METTL8: variants seen among roughly 807,000 people sequenced by gnomAD.
METTL8 encodes tRNA N(3)-cytidine methyltransferase METTL8, mitochondrial.
METTL8 carries 32 observed loss-of-function variants against 48.7 expected under a neutral mutation model. The observed-to-expected ratio is 0.66, with a 90% confidence interval of 0.50 to 0.88. The LOEUF is 0.88. Ranked by LOEUF, METTL8 falls within the 40% of genes least tolerant of loss-of-function variation. METTL8 has a pLI of 0.00. For missense variants in METTL8, 464 were observed against 474.4 expected, an observed-to-expected ratio of 0.98 and a Z score of 0.20; for synonymous variants, 136 against 157.1, an observed-to-expected ratio of 0.87 and a Z score of 1.01.
At position 171,339,172 on chromosome 2, in the gene METTL8, TGAGCA is replaced by T; in HGVS notation, c.606+7_606+11del. 6.9e-7 allele frequency: 1 copy of T among 1,453,620 alleles called. No individual in the cohort carries two copies. Among genetic ancestry groups the T allele is most frequent in the Non-Finnish European group, 9.1e-7 (1 of 1,096,080 alleles). 90.0% of individuals were successfully genotyped at this position (1,453,620 alleles called of 1,614,324 possible). A position where few individuals can be genotyped will look rare whatever the true frequency, so the allele number is the denominator to read the frequency against. ...TTTGTCACCTCCCATTTTTGTCCCTTGAGCACAATACCTCTAGTATCCTGAAAGTG... is the reference window on the plus strand; with the variant it reads ...TTTGTCACCTCCCATTTTTGTCCCTTCAATACCTCTAGTATCCTGAAAGTG... On this transcript the variant is annotated splice_region_variant and intron_variant, in intron 4 of 9. Transcript: ENST00000375258.
intron 1 of METTL8, among the ~76,000 whole-genome samples, chr2:171,411,126 G>C (rs1690707781): frequency 6.6e-6 from 1 of 152,166 alleles, no homozygotes; most frequent in South Asian, 2.1e-4. Context: ...CTATACAACT[G>C]TACAGAGGGA....
chr2:171,369,292 C>A (rs1196563274), intron 2 of METTL8, among the ~76,000 whole-genome samples: 5 of 151,996 alleles, frequency 3.3e-5, no homozygotes, highest in African/African-American at 1.2e-4. Flanking sequence ...GGCAAGAGAG[C>A]GAGACTCTGT....
At chr2:171,377,690 C>T (rs1223074834) in intron 2 of METTL8, among the ~76,000 whole-genome samples, 3 of 152,104 alleles carry the variant, frequency 2.0e-5, no homozygotes, top group Non-Finnish European at 4.4e-5. Flanking sequence ...AATGAGATAC[C>T]ACTTTACTCC....
At chr2:171,360,276 C>T in intron 3 of METTL8, 146 bp downstream of exon 3, 1 of 637,738 alleles carries the variant, frequency 1.6e-6, no homozygotes, top group Non-Finnish European at 2.6e-6. Context: ...TTTGGTCCCA[C>T]TACACTGGAA....
chr2:171,422,248 T>C (rs1691947839), intron 1 of METTL8, among the ~76,000 whole-genome samples: 1 of 152,148 alleles, frequency 6.6e-6, no homozygotes, highest in African/African-American at 2.4e-5. Flanking sequence ...GAAGAGACTA[T>C]TCAATAAGTG....
intron 3 of METTL8, among the ~76,000 whole-genome samples, chr2:171,340,055 G>A (rs995527325): frequency 4.6e-5 from 7 of 151,884 alleles, no homozygotes; most frequent in African/African-American, 1.5e-4. Flanking sequence ...AAAGTTAGCC[G>A]GAGGTGGTGG....
rs190216880 is a variant in METTL8 at position 171,385,270 on chromosome 2, A to G, written c.143+6773T>C. ...TCTCTAAAAAAAATAAAATAAAACA[A>G]AATTAAAAATTAGCCATTATAGTGC... On this transcript the variant is annotated intron_variant, in intron 2 of 9. Coordinates refer to ENST00000375258, the MANE Select transcript of METTL8 (RefSeq NM_001321154.2). Among the ~76,000 whole-genome samples the G allele has an allele frequency of 2.4e-4, 36 of 152,030 alleles. No homozygotes were observed. In the East Asian group the frequency reaches 7.0e-3, roughly 29 times the overall value.
At chr2:171,383,071 G>A (rs1687724903) in intron 2 of METTL8, among the ~76,000 whole-genome samples, 1 of 151,968 alleles carries the variant, frequency 6.6e-6, no homozygotes, top group Admixed American at 6.6e-5. Flanking sequence ...AAGACTCTGT[G>A]TGAAAAAAAC....
chr2:171,330,147 T>C (rs1685364535), intron 7 of METTL8, among the ~76,000 whole-genome samples: 1 of 152,198 alleles, frequency 6.6e-6, no homozygotes, highest in Admixed American at 6.5e-5. Flanking sequence ...AACAGGCCTG[T>C]GTGAAGCCAA....
intron 1 of METTL8, among the ~76,000 whole-genome samples, chr2:171,427,850 G>A (rs929112921): frequency 7.2e-5 from 11 of 152,052 alleles, no homozygotes; most frequent in Non-Finnish European, 1.3e-4. Flanking sequence ...TATACCCTAT[G>A]CCAAAACTTT....
intron 3 of METTL8, among the ~76,000 whole-genome samples, chr2:171,353,653 G>C (rs2105454145): frequency 6.6e-6 from 1 of 152,218 alleles, no homozygotes; most frequent in Non-Finnish European, 1.5e-5. Flanking sequence ...CTCCTGTATT[G>C]GGTGCATATA....
intron 2 of METTL8, among the ~76,000 whole-genome samples, chr2:171,371,585 G>A (rs1386312372): frequency 3.3e-5 from 5 of 151,696 alleles, no homozygotes; most frequent in Admixed American, 6.6e-5. Flanking sequence ...TTGAACTCCC[G>A]ACCTCAGGTG....
intron 3 of METTL8, among the ~76,000 whole-genome samples, chr2:171,344,127 G>C (rs1463927279): frequency 2.0e-5 from 3 of 152,140 alleles, no homozygotes; most frequent in Admixed American, 1.3e-4. Context: ...CATTAAAAAT[G>C]ACAAGAATAA....
rs189471882 is a variant in METTL8, at chr2:171,373,505, C to T, written c.144-12992G>A. Among the ~76,000 whole-genome samples, 216 of 151,426 alleles carry T rather than the reference C, an allele frequency of 1.4e-3. 4 individuals are homozygous for T. In the East Asian group the frequency reaches 0.015, roughly 10 times the overall value. On this transcript the variant is annotated intron_variant, in intron 2 of 9. Coordinates refer to ENST00000375258, the MANE Select transcript of METTL8 (RefSeq NM_001321154.2). ...TTTAATTAGATCACATTTGTCAATTCTGGCTTTTGTTGTCATTGCTTTTGG... is the reference window on the plus strand; with the variant it reads ...TTTAATTAGATCACATTTGTCAATTTTGGCTTTTGTTGTCATTGCTTTTGG...
Position 171,363,218 on chromosome 2 carries a change from AT to A in METTL8, c.144-2706del, listed in dbSNP as rs942369889. On this transcript the variant is annotated intron_variant, in intron 2 of 9. Coordinates refer to ENST00000375258, the MANE Select transcript of METTL8 (RefSeq NM_001321154.2). ...TATATCCTAAGTTCCTGCAGAACAG[AT>A]TTTTTTTTTTTTTACACCACAGTTA... Among the ~76,000 whole-genome samples, 1,027 of 144,986 alleles carry A rather than the reference AT, an allele frequency of 7.1e-3. 2 individuals are homozygous for A. Among genetic ancestry groups the A allele is most frequent in the African/African-American group, 0.014 (558 of 39,880 alleles).
chr2:171,322,635 T>G lies in METTL8; in HGVS notation c.*1537A>C, dbSNP rs1684584255. On this transcript the variant is annotated 3_prime_UTR_variant, in exon 10 of 10. Coordinates refer to ENST00000375258, the MANE Select transcript of METTL8 (RefSeq NM_001321154.2). ...GGTGGGTGCTTGTAGTCCCAGCTACTCAGGAGGCTGAAGCAAGAGAATGGC... is the reference window on the plus strand; with the variant it reads ...GGTGGGTGCTTGTAGTCCCAGCTACGCAGGAGGCTGAAGCAAGAGAATGGC... 1 of 149,342 alleles carries G rather than the reference T, an allele frequency of 6.7e-6. No individual in the cohort carries two copies. Among genetic ancestry groups the G allele is most frequent in the South Asian group, 2.1e-4 (1 of 4,728 alleles). The allele number at this position is 149,342 out of a possible 1,614,324, so 9.3% of individuals were successfully genotyped here.
intron 9 of METTL8, among the ~76,000 whole-genome samples, chr2:171,325,260 A>C (rs958500919): frequency 6.6e-6 from 1 of 151,988 alleles, no homozygotes; most frequent in Non-Finnish European, 1.5e-5. Context: ...ATCATAGCTC[A>C]CTGTAGCCTC....
At chr2:171,395,751 A>T (rs1689000987) in intron 1 of METTL8, among the ~76,000 whole-genome samples, 1 of 152,250 alleles carries the variant, frequency 6.6e-6, no homozygotes, top group Admixed American at 6.5e-5. Context: ...ATACTTGGAG[A>T]TTTTAACAAC....
intron 2 of METTL8, among the ~76,000 whole-genome samples, chr2:171,381,199 C>T (rs964688321): frequency 1.3e-5 from 2 of 152,110 alleles, no homozygotes; most frequent in African/African-American, 2.4e-5. Flanking sequence ...AACTGGCTAG[C>T]CATATGCAGA....
Sources: gnomAD v4.1 joint callset for allele counts (sites outside exome capture counted in the v4.1 genomes callset) on GRCh38, gnomAD v4.1.1 for gene constraint, MANE v1.5 for transcripts, NCBI Gene and HGNC (gene_info 2026-07-23, HGNC 2026-07-21) for gene names.